IQGAP2: variants seen among roughly 807,000 people sequenced by gnomAD.
The protein encoded by IQGAP2 is ras GTPase-activating-like protein IQGAP2.
In IQGAP2, 173 loss-of-function variants were observed where a neutral mutation model predicts 201.3. The ratio of observed to expected loss-of-function variants is 0.86; its 90% CI spans 0.76 to 0.98. The LOEUF (loss-of-function observed/expected upper bound fraction) is 0.98. IQGAP2 is among the 50% of genes least tolerant of loss of function. The probability of loss-of-function intolerance (pLI) is 0.00; values close to 1 mark genes in which losing one functional copy is unlikely to be tolerated. For missense variants in IQGAP2, 1,687 were observed against 1,864.8 expected, an observed-to-expected ratio of 0.90 and a Z score of 1.76; for synonymous variants, 675 against 673.9, an observed-to-expected ratio of 1.00 and a Z score of -0.03.
chr5:76,696,588 A>G (rs1746770269), intron 32 of IQGAP2, among the ~76,000 whole-genome samples: 1 of 152,210 alleles, frequency 6.6e-6, no homozygotes, highest in African/African-American at 2.4e-5. Flanking sequence ...GACCAGAAAA[A>G]AAAAAAATTT....
At chr5:76,504,896 G>A (rs1030687600) in intron 2 of IQGAP2, among the ~76,000 whole-genome samples, 38 of 152,128 alleles carry the variant, frequency 2.5e-4, no homozygotes, top group Admixed American at 2.5e-3. Flanking sequence ...TCACTAGCCT[G>A]ATTTCCAGCT....
chr5:76,404,818 AG>A (rs1468739600), intron 1 of IQGAP2, among the ~76,000 whole-genome samples: 1 of 151,294 alleles, frequency 6.6e-6, no homozygotes, highest in Non-Finnish European at 1.5e-5. Flanking sequence ...TAAACCACAC[AG>A]ACAGCAGAGC....
intron 21 of IQGAP2, among the ~76,000 whole-genome samples, chr5:76,663,401 C>G (rs1287831415): frequency 1.3e-5 from 2 of 152,218 alleles, no homozygotes; most frequent in Admixed American, 1.3e-4. Flanking sequence ...AAGCAACTTT[C>G]TTGCCACTTA....
At chr5:76,436,423 A>T (rs951407256) in intron 1 of IQGAP2, among the ~76,000 whole-genome samples, 1 of 133,548 alleles carries the variant, frequency 7.5e-6, no homozygotes, top group Non-Finnish European at 1.6e-5. Context: ...GGTTTTTATC[A>T]TAAAAGAATG....
chr5:76,601,603 C>A (rs188554236), intron 11 of IQGAP2, among the ~76,000 whole-genome samples: 1 of 152,174 alleles, frequency 6.6e-6, no homozygotes, highest in Non-Finnish European at 1.5e-5. Flanking sequence ...ATGAGAGAGT[C>A]GCTGAGATAA....
Position 76,707,943 on chromosome 5 carries a change from G to A in IQGAP2, c.*630G>A, listed in dbSNP as rs1748050314. 2 of 152,616 alleles carry A rather than the reference G, an allele frequency of 1.3e-5. No homozygotes were observed. The highest frequency in any genetic ancestry group is 4.8e-5 in the African/African-American group (2 of 41,444). The allele number at this position is 152,616 out of a possible 1,614,324, so 9.5% of individuals were successfully genotyped here. ...TCATGTAAAGACTCTTGCACGCAGA[G>A]CCTTTAAGTGACTAAGGAACAACAT... On this transcript the variant is annotated 3_prime_UTR_variant, in exon 36 of 36. Transcript: ENST00000274364.
At chr5:76,481,307 G>A (rs1755780291) in intron 2 of IQGAP2, among the ~76,000 whole-genome samples, 1 of 151,944 alleles carries the variant, frequency 6.6e-6, no homozygotes, top group South Asian at 2.1e-4. Flanking sequence ...AGAAAAACAG[G>A]TGAAATAATT....
intron 1 of IQGAP2, among the ~76,000 whole-genome samples, chr5:76,431,491 CTTTG>C (rs903962158): frequency 1.5e-4 from 23 of 151,962 alleles, no homozygotes; most frequent in Non-Finnish European, 2.4e-4. Flanking sequence ...GTTTGGCATG[CTTTG>C]TTTGGCATGC....
At chr5:76,418,921 C>T (rs1450884144) in intron 1 of IQGAP2, among the ~76,000 whole-genome samples, 1 of 152,142 alleles carries the variant, frequency 6.6e-6, no homozygotes, top group African/African-American at 2.4e-5. Flanking sequence ...AGGTTGATTA[C>T]ACGTCCTTGA....
Position 76,618,928 on chromosome 5 carries a change from T to C in IQGAP2, c.1521+7745T>C, listed in dbSNP as rs370077546. Among the ~76,000 whole-genome samples the C allele has an allele frequency of 3.9e-5, 6 of 152,344 alleles. No individual in the cohort carries two copies. In the East Asian group the frequency reaches 7.7e-4, roughly 20 times the overall value. ...ACAGCCCATCAGAACATTATAGGCA[T>C]GTTGACTACAAACTATACAGGCATT... is the stretch of plus-strand genomic sequence containing the variant. On this transcript the variant is annotated intron_variant, in intron 13 of 35. Coordinates refer to ENST00000274364, the MANE Select transcript of IQGAP2 (RefSeq NM_006633.5).
At chr5:76,405,751 A>G (rs1750760777) in intron 1 of IQGAP2, among the ~76,000 whole-genome samples, 1 of 152,132 alleles carries the variant, frequency 6.6e-6, no homozygotes, top group Non-Finnish European at 1.5e-5. Context: ...GAGACTGAAA[A>G]TCGTGCTGTG....
intron 13 of IQGAP2, among the ~76,000 whole-genome samples, chr5:76,612,854 C>T (rs1748530021): frequency 6.6e-6 from 1 of 152,116 alleles, no homozygotes; most frequent in South Asian, 2.1e-4. Flanking sequence ...GAGATTTATT[C>T]TTCACTCCGT....
At chr5:76,467,910 A>G (rs1325856232) in intron 2 of IQGAP2, among the ~76,000 whole-genome samples, 1 of 151,750 alleles carries the variant, frequency 6.6e-6, no homozygotes, top group Non-Finnish European at 1.5e-5. Flanking sequence ...GAATAGACAA[A>G]TCCACAGAGA....
At chr5:76,622,121 C>G (rs1038270063) in intron 13 of IQGAP2, among the ~76,000 whole-genome samples, 3 of 152,160 alleles carry the variant, frequency 2.0e-5, no homozygotes, top group African/African-American at 4.8e-5. Context: ...ATTTCTCCCC[C>G]ACCCCATGGA....
Position 76,546,251 on chromosome 5 carries a change from C to A in IQGAP2, c.147-16145C>A, listed in dbSNP as rs552516780. Among the ~76,000 whole-genome samples the A allele has an allele frequency of 2.6e-5, 4 of 152,252 alleles. No homozygotes were observed. In the South Asian group the frequency reaches 8.3e-4, roughly 32 times the overall value. On this transcript the variant is annotated intron_variant, in intron 2 of 35. Coordinates refer to ENST00000274364, the MANE Select transcript of IQGAP2 (RefSeq NM_006633.5). ...GGGAGTTCAAAACCAGCCTAGCCAA[C>A]GTGGTGAAACCCCATCTCTACTAAA...
intron 30 of IQGAP2, among the ~76,000 whole-genome samples, chr5:76,686,990 G>T (rs1745837539): frequency 6.6e-6 from 1 of 152,128 alleles, no homozygotes; most frequent in African/African-American, 2.4e-5. Context: ...CCTTGTACTA[G>T]TGCCACACCA....
chr5:76,626,830 G>C (rs1352036160), intron 13 of IQGAP2, among the ~76,000 whole-genome samples: 1 of 152,142 alleles, frequency 6.6e-6, no homozygotes, highest in Non-Finnish European at 1.5e-5. Context: ...CATTTGAGTT[G>C]AGACCTGAAT....
At chr5:76,495,014 C>A (rs1287063772) in intron 2 of IQGAP2, among the ~76,000 whole-genome samples, 1 of 152,006 alleles carries the variant, frequency 6.6e-6, no homozygotes, top group East Asian at 1.9e-4. Flanking sequence ...CAGTATCTCC[C>A]TGCAGGAGGT....
At chr5:76,663,940 T>G (rs1019919992) in intron 21 of IQGAP2, among the ~76,000 whole-genome samples, 1 of 152,248 alleles carries the variant, frequency 6.6e-6, no homozygotes, top group Non-Finnish European at 1.5e-5. Context: ...AGGAATATTG[T>G]GCTGGTTTAA....
Sources: allele counts gnomAD v4.1 joint callset (sites outside exome capture counted in the v4.1 genomes callset), GRCh38; gene constraint gnomAD v4.1.1; transcripts MANE v1.5; gene names NCBI Gene and HGNC (gene_info 2026-07-23, HGNC 2026-07-21).